PHACTR3: variants seen among roughly 807,000 people sequenced by gnomAD.
The protein encoded by PHACTR3 is phosphatase and actin regulator 3.
PHACTR3 carries 16 observed loss-of-function variants against 66.8 expected under a neutral mutation model. The observed-to-expected ratio is 0.24, with a 90% confidence interval of 0.16 to 0.36. PHACTR3 has a LOEUF of 0.36. PHACTR3 is among the 10% of genes least tolerant of loss of function. The pLI, the probability that PHACTR3 is intolerant of heterozygous loss-of-function variation, is 1.00. For missense variants in PHACTR3, 647 were observed against 719.9 expected, an observed-to-expected ratio of 0.90 and a Z score of 1.16; for synonymous variants, 323 against 292.1, an observed-to-expected ratio of 1.11 and a Z score of -1.08.
chr20:59,593,719 G>A (rs2033250741), intron 1 of PHACTR3, among the ~76,000 whole-genome samples: 1 of 152,138 alleles, frequency 6.6e-6, no homozygotes, highest in Non-Finnish European at 1.5e-5. Flanking sequence ...TTTTTTGCAT[G>A]TGGATATCCA....
intron 1 of PHACTR3, among the ~76,000 whole-genome samples, chr20:59,581,797 C>T (rs1266721422): frequency 2.6e-5 from 4 of 151,646 alleles, no homozygotes; most frequent in Admixed American, 6.6e-5. Flanking sequence ...AGGAGAAAGG[C>T]GTGAACCCGG....
At chr20:59,711,550 T>G (rs2037915072) in intron 1 of PHACTR3, among the ~76,000 whole-genome samples, 1 of 152,162 alleles carries the variant, frequency 6.6e-6, no homozygotes. Flanking sequence ...GTTGACAATA[T>G]CATGTCAAAA....
chr20:59,710,380 A>T (rs905946583), intron 1 of PHACTR3, among the ~76,000 whole-genome samples: 4 of 152,030 alleles, frequency 2.6e-5, no homozygotes, highest in Admixed American at 1.3e-4. Context: ...TTGGACTGTG[A>T]CTGGGTCCTG....
At chr20:59,582,405 T>C (rs1200122154) in intron 1 of PHACTR3, among the ~76,000 whole-genome samples, 1 of 152,226 alleles carries the variant, frequency 6.6e-6, no homozygotes, top group Admixed American at 6.5e-5. Context: ...GGGGACAACC[T>C]GCGTGAGGCA....
rs140314882 is a variant in PHACTR3 at position 59,619,206 on chromosome 20, C to T, written c.118+14074C>T. Reference sequence around the variant, plus strand: ...GGTTTCGCCTGCATGCCTAGGCTATCTTATATGCACAGGAGACTTTAAGAA... The same window carrying T: ...GGTTTCGCCTGCATGCCTAGGCTATTTTATATGCACAGGAGACTTTAAGAA... On this transcript the variant is annotated intron_variant, in intron 1 of 12. Coordinates refer to ENST00000371015, the MANE Select transcript of PHACTR3 (RefSeq NM_080672.5). Among the ~76,000 whole-genome samples the T allele has an allele frequency of 8.4e-4, 128 of 152,282 alleles. 1 individual carries two copies. The highest frequency in any genetic ancestry group is 2.9e-3 in the African/African-American group (122 of 41,554).
chr20:59,745,960 C>T (rs1258626478), intron 2 of PHACTR3, among the ~76,000 whole-genome samples: 2 of 152,224 alleles, frequency 1.3e-5, no homozygotes, highest in African/African-American at 2.4e-5. Flanking sequence ...CGCCTGGTGC[C>T]GGCCTGGGGA....
At chr20:59,642,809 C>G (rs1568954597) in intron 1 of PHACTR3, among the ~76,000 whole-genome samples, 1 of 152,226 alleles carries the variant, frequency 6.6e-6, no homozygotes. Flanking sequence ...TGCATGACAG[C>G]AACTTGCTGT....
intron 1 of PHACTR3, among the ~76,000 whole-genome samples, chr20:59,585,959 A>T (rs1006340917): frequency 6.6e-6 from 1 of 152,166 alleles, no homozygotes; most frequent in Non-Finnish European, 1.5e-5. Context: ...TCCTGAAAAC[A>T]TGTCGTATTT....
At chr20:59,747,322 TA>T (rs2039408507) in intron 2 of PHACTR3, among the ~76,000 whole-genome samples, 1 of 152,134 alleles carries the variant, frequency 6.6e-6, no homozygotes, top group African/African-American at 2.4e-5. Flanking sequence ...GAGTGGATGT[TA>T]AGAGCGGCCA....
At chr20:59,689,729 C>T (rs2037037307) in intron 1 of PHACTR3, among the ~76,000 whole-genome samples, 4 of 152,176 alleles carry the variant, frequency 2.6e-5, no homozygotes, top group Admixed American at 2.0e-4. Context: ...AGGGCACCAA[C>T]CTCTACCTAG....
chr20:59,750,502 C>T lies in PHACTR3; in HGVS notation c.358+2667C>T, dbSNP rs140515160. Among the ~76,000 whole-genome samples the T allele has an allele frequency of 5.1e-3, 775 of 152,136 alleles. 8 individuals are homozygous for T. The highest frequency in any genetic ancestry group is 0.017 in the African/African-American group (686 of 41,502). On this transcript the variant is annotated intron_variant, in intron 3 of 12. Coordinates refer to ENST00000371015, the MANE Select transcript of PHACTR3 (RefSeq NM_080672.5). ...CACAGGAGCAGCAAGCACAAGTCCC[C>T]GCGGTGGAAGGGACCTTGAGATGGT...
chr20:59,795,201 T>C (rs972687955), intron 7 of PHACTR3, among the ~76,000 whole-genome samples: 1 of 152,164 alleles, frequency 6.6e-6, no homozygotes, highest in Non-Finnish European at 1.5e-5. Flanking sequence ...TTTGTTTGTC[T>C]AAAGATACTT....
At chr20:59,750,955 G>A (rs2146802207) in intron 3 of PHACTR3, among the ~76,000 whole-genome samples, 1 of 152,330 alleles carries the variant, frequency 6.6e-6, no homozygotes, top group African/African-American at 2.4e-5. Flanking sequence ...TTTCTCACTG[G>A]GTCGACCTGA....
intron 1 of PHACTR3, among the ~76,000 whole-genome samples, chr20:59,652,369 C>A (rs1277115039): frequency 1.3e-5 from 2 of 152,042 alleles, no homozygotes; most frequent in African/African-American, 4.8e-5. Flanking sequence ...CATAACAAGA[C>A]CCCATCTCTG....
At chr20:59,657,061 G>A (rs2035640996) in intron 1 of PHACTR3, among the ~76,000 whole-genome samples, 1 of 152,000 alleles carries the variant, frequency 6.6e-6, no homozygotes, top group Non-Finnish European at 1.5e-5. Flanking sequence ...TAAAGAGCAA[G>A]TGCTCATTTA....
At chr20:59,754,511 G>T (rs1175613262) in intron 3 of PHACTR3, among the ~76,000 whole-genome samples, 1 of 152,226 alleles carries the variant, frequency 6.6e-6, no homozygotes, top group Admixed American at 6.5e-5. Context: ...CCTTGCCAGG[G>T]TTTATTACAG....
At chr20:59,653,457 T>C (rs1485484957) in intron 1 of PHACTR3, among the ~76,000 whole-genome samples, 1 of 152,184 alleles carries the variant, frequency 6.6e-6, no homozygotes, top group African/African-American at 2.4e-5. Context: ...GTGCTAGGAT[T>C]ACAGGCGTGA....
intron 1 of PHACTR3, among the ~76,000 whole-genome samples, chr20:59,742,615 G>A (rs576127432): frequency 9.2e-5 from 14 of 152,266 alleles, no homozygotes; most frequent in South Asian, 4.1e-4. Flanking sequence ...AGGTCTTTGC[G>A]GCTCATTGGT....
intron 1 of PHACTR3, among the ~76,000 whole-genome samples, chr20:59,669,309 T>C (rs2036110293): frequency 6.6e-6 from 1 of 152,222 alleles, no homozygotes; most frequent in Non-Finnish European, 1.5e-5. Context: ...CTACTGAAGA[T>C]GGGGTCAATT....
Sources: allele counts gnomAD v4.1 joint callset (sites outside exome capture counted in the v4.1 genomes callset), GRCh38; gene constraint gnomAD v4.1.1; transcripts MANE v1.5; gene names NCBI Gene and HGNC (gene_info 2026-07-23, HGNC 2026-07-21).